Variants in GABRA3 observed in about 807,000 individuals in gnomAD.
GABRA3 encodes the protein gamma-aminobutyric acid receptor subunit alpha-3.
GABRA3 carries 10 observed loss-of-function variants against 30.1 expected under a neutral mutation model. The observed-to-expected ratio is 0.33, with a 90% confidence interval of 0.20 to 0.56. The LOEUF (loss-of-function observed/expected upper bound fraction) is 0.56, where lower values mean the gene tolerates loss of function less well. GABRA3 is among the 20% of genes least tolerant of loss of function. GABRA3 has a pLI of 0.89. For synonymous variants in GABRA3, 151 were observed against 146.8 expected (o/e 1.03, Z -0.21); for missense variants, 233 against 392.0 (o/e 0.59, Z 3.42).
chrX:152,367,175 G>A (rs1928681106), intron 1 of GABRA3, among the ~76,000 whole-genome samples: 1 of 111,059 alleles, frequency 9.0e-6, no homozygotes, highest in South Asian at 3.8e-4. Flanking sequence ...AAGAAGCCAG[G>A]CTATGTTGCA....
chrX:152,270,622 A>T (rs1332159416), intron 4 of GABRA3, among the ~76,000 whole-genome samples: 2 of 111,143 alleles, frequency 1.8e-5, no homozygotes, highest in Non-Finnish European at 3.8e-5. Context: ...TGGGAGGCCA[A>T]GGCCAGTGGA....
chrX:152,400,310 G>A (rs1427277092), intron 1 of GABRA3, among the ~76,000 whole-genome samples: 1 of 108,722 alleles, frequency 9.2e-6, no homozygotes, highest in Non-Finnish European at 1.9e-5. Flanking sequence ...TAGAGTCTCT[G>A]CAAAAGATCC....
At chrX:152,327,212 G>C (rs1940077668) in intron 3 of GABRA3, among the ~76,000 whole-genome samples, 1 of 109,278 alleles carries the variant, frequency 9.2e-6, no homozygotes, top group Non-Finnish European at 1.9e-5. Context: ...CAAGCCCTTA[G>C]AGACCTAAAA....
chrX:152,372,251 C>T (rs1282409853), intron 1 of GABRA3, among the ~76,000 whole-genome samples: 1 of 111,300 alleles, frequency 9.0e-6, no homozygotes, highest in Non-Finnish European at 1.9e-5. Context: ...CTTGCCATGA[C>T]CTATAAGAAT....
At chrX:152,330,641 T>C (rs1375554400) in intron 3 of GABRA3, among the ~76,000 whole-genome samples, 4 of 101,897 alleles carry the variant, frequency 3.9e-5, no homozygotes, top group South Asian at 4.6e-4. Context: ...TAGGTGGGAA[T>C]TGAACAATGA....
intron 2 of GABRA3, among the ~76,000 whole-genome samples, chrX:152,355,973 A>G (rs60043432): frequency 0.12 from 13,436 of 111,199 alleles, 680 homozygotes; most frequent in African/African-American, 0.17. Flanking sequence ...TTATGAACTC[A>G]TTGTAAGAAA....
intron 1 of GABRA3, among the ~76,000 whole-genome samples, chrX:152,449,683 T>C (rs1931175698): frequency 2.7e-5 from 3 of 111,244 alleles, no homozygotes; most frequent in Non-Finnish European, 5.7e-5. Flanking sequence ...ACACTGTACC[T>C]ATTGTATCTA....
At chrX:152,323,703 C>T (rs1241218577) in intron 3 of GABRA3, among the ~76,000 whole-genome samples, 1 of 112,123 alleles carries the variant, frequency 8.9e-6, no homozygotes, top group Non-Finnish European at 1.9e-5. Context: ...ACTGTAATTG[C>T]TTTCTGTTAA....
intron 1 of GABRA3, among the ~76,000 whole-genome samples, chrX:152,430,583 G>A (rs1336652123): frequency 9.0e-6 from 1 of 111,242 alleles, no homozygotes; most frequent in Non-Finnish European, 1.9e-5. Context: ...TATCTTCAAG[G>A]AATAAAAGCC....
intron 1 of GABRA3, among the ~76,000 whole-genome samples, chrX:152,391,902 A>G (rs1929496190): frequency 8.9e-6 from 1 of 111,905 alleles, no homozygotes. Flanking sequence ...ATATAACAAT[A>G]TCAGCAAATA....
intron 6 of GABRA3, among the ~76,000 whole-genome samples, chrX:152,212,425 A>G (rs1487836144): frequency 2.8e-5 from 3 of 108,041 alleles, no homozygotes; most frequent in African/African-American, 1.0e-4. Flanking sequence ...CTAATGGGAA[A>G]GTGGGAACCT....
At chrX:152,179,238 A>G (rs1429676039) in intron 9 of GABRA3, among the ~76,000 whole-genome samples, 1 of 111,968 alleles carries the variant, frequency 8.9e-6, no homozygotes, top group Non-Finnish European at 1.9e-5. Context: ...GGTGTACATT[A>G]TGGAATGGCT....
At chrX:152,182,312 T>TAC (rs72009096) in intron 9 of GABRA3, among the ~76,000 whole-genome samples, 3,185 of 89,240 alleles carry the variant, frequency 0.036, 177 homozygotes, top group African/African-American at 0.12. Context: ...TATATATATA[T>TAC]ACACACACAC....
At chrX:152,406,956 G>A (rs1438643841) in intron 1 of GABRA3, among the ~76,000 whole-genome samples, 2 of 111,837 alleles carry the variant, frequency 1.8e-5, no homozygotes, top group Non-Finnish European at 3.8e-5. Flanking sequence ...AATTTTGGAA[G>A]TATACAAACA....
chrX:152,236,155 C>G (rs1408894583), intron 5 of GABRA3, among the ~76,000 whole-genome samples: 29 of 74,348 alleles, frequency 3.9e-4, no homozygotes, highest in African/African-American at 1.5e-3. Context: ...TCCCCCCACC[C>G]CACCACAGTC....
At chrX:152,225,434 A>ACG (rs1556765953) in intron 5 of GABRA3, among the ~76,000 whole-genome samples, 6 of 5,528 alleles carry the variant, frequency 1.1e-3, no homozygotes, top group African/African-American at 2.1e-3. Flanking sequence ...ACACACACGC[A>ACG]CACACACACA....
intron 2 of GABRA3, among the ~76,000 whole-genome samples, chrX:152,360,714 AAAAAAAAAAATTAAAAAAAAAAATT>A (rs1928465086): frequency 2.3e-5 from 2 of 85,569 alleles, no homozygotes; most frequent in Non-Finnish European, 4.5e-5. Flanking sequence ...AAAAAAATTA[AAAAAAAAAAATTAAAAAAAAAAATT>A]AAAAAAAAAA....
intron 6 of GABRA3, among the ~76,000 whole-genome samples, chrX:152,222,493 T>A (rs1422486185): frequency 7.3e-5 from 8 of 108,884 alleles, no homozygotes; most frequent in Non-Finnish European, 1.5e-4. Context: ...GCCATAGCAT[T>A]CTAAAGTCCT....
intron 7 of GABRA3, among the ~76,000 whole-genome samples, chrX:152,205,895 G>A (rs1383776786): frequency 8.9e-6 from 1 of 112,622 alleles, no homozygotes; most frequent in Non-Finnish European, 1.9e-5. Context: ...TTAATGTACC[G>A]AAATCTTCTA....
Sources: gnomAD v4.1 joint callset for allele counts (sites outside exome capture counted in the v4.1 genomes callset) on GRCh38, gnomAD v4.1.1 for gene constraint, MANE v1.5 for transcripts, NCBI Gene and HGNC (gene_info 2026-07-23, HGNC 2026-07-21) for gene names.